The following TMPRSS4 variants were observed in gnomAD, a reference collection of about 807,000 sequenced individuals.
TMPRSS4 encodes the protein transmembrane protease serine 4.
Under a neutral mutation model 56.4 loss-of-function variants are expected in TMPRSS4, and 45 were observed. That is an observed-to-expected ratio of 0.80 (90% CI 0.63 to 1.02). The LOEUF (loss-of-function observed/expected upper bound fraction) is 1.02, where lower values mean the gene tolerates loss of function less well. TMPRSS4 is among the 50% of genes least tolerant of loss of function. The pLI is 0.00. For synonymous variants in TMPRSS4, 205 were observed against 211.0 expected, an observed-to-expected ratio of 0.97 and a Z score of 0.25; for missense variants, 546 against 556.7, an observed-to-expected ratio of 0.98 and a Z score of 0.19.
At chr11:118,098,635 G>C (rs979441721) in intron 2 of TMPRSS4, among the ~76,000 whole-genome samples, 1 of 152,194 alleles carries the variant, frequency 6.6e-6, no homozygotes, top group African/African-American at 2.4e-5. Flanking sequence ...ACAGTGAATG[G>C]GTACGTGCCC....
At chr11:118,117,851 G>C (rs1947643350) in intron 12 of TMPRSS4, 51 bp from the exon 13 acceptor site, 3 of 1,613,930 alleles carry the variant, frequency 1.9e-6, no homozygotes, top group Non-Finnish European at 2.5e-6. Flanking sequence ...TCACCACTTT[G>C]TCCAGTTTCA....
chr11:118,090,911 G>A (rs1290603600), intron 1 of TMPRSS4, among the ~76,000 whole-genome samples: 1 of 151,992 alleles, frequency 6.6e-6, no homozygotes, highest in African/African-American at 2.4e-5. Flanking sequence ...CAGAATATAA[G>A]CCTCCTTTGT....
At chr11:118,115,910 A>G (rs940230859) in intron 11 of TMPRSS4, among the ~76,000 whole-genome samples, 8 of 152,264 alleles carry the variant, frequency 5.3e-5, no homozygotes, top group Non-Finnish European at 7.4e-5. Context: ...CCTTGAGGTC[A>G]GGAATCCCAG....
chr11:118,121,699 C>CA lies in TMPRSS4; in HGVS notation c.*3787dup, dbSNP rs769976039. On this transcript the variant is annotated 3_prime_UTR_variant, in exon 13 of 13. Coordinates refer to ENST00000437212, the MANE Select transcript of TMPRSS4 (RefSeq NM_019894.4). ...TTTTGTGGGTTAATTTTTTTTGAAA[C>CA]AGATATTGAATTTATTGGTTGGCTA... 26 of 151,872 alleles carry CA rather than the reference C, an allele frequency of 1.7e-4. No individual in the cohort carries two copies. Among genetic ancestry groups the CA allele is most frequent in the Non-Finnish European group, 3.1e-4 (21 of 67,994 alleles). The allele number at this position is 151,872 out of a possible 1,614,324, so 9.4% of individuals were successfully genotyped here.
At chr11:118,099,776 A>T (rs1946644268) in intron 3 of TMPRSS4, among the ~76,000 whole-genome samples, 1 of 152,126 alleles carries the variant, frequency 6.6e-6, no homozygotes, top group Non-Finnish European at 1.5e-5. Context: ...GGGGAGAAAG[A>T]GGAGGCAGCA....
At chr11:118,125,390 C>T, downstream of TMPRSS4, 1 of 456,418 alleles carries the variant, frequency 2.2e-6, no homozygotes. Flanking sequence ...CAGCTCGGCA[C>T]ACACATCGCC....
At position 118,114,335 on chromosome 11, in the gene TMPRSS4, T is replaced by C. The variant is rs369054090; in HGVS notation, c.911-494T>C. On this transcript the variant is annotated intron_variant, in intron 9 of 12. Coordinates refer to ENST00000437212, the MANE Select transcript of TMPRSS4 (RefSeq NM_019894.4). The stretch of plus-strand genomic sequence containing the variant: ...TGAAAGAAGAGTTTATTATTTATAA[T>C]TCCTGAGAGAAAGGGACATACCCCA... 2.6e-5 allele frequency among the ~76,000 whole-genome samples: 4 copies of C among 152,276 alleles called. 1 individual carries two copies. Among genetic ancestry groups the C allele is most frequent in the East Asian group, 1.9e-4 (1 of 5,184 alleles).
chr11:118,079,441 G>A (rs1475405955), intron 1 of TMPRSS4, among the ~76,000 whole-genome samples: 1 of 152,126 alleles, frequency 6.6e-6, no homozygotes, highest in African/African-American at 2.4e-5. Context: ...GCTGGAGCAG[G>A]GACTCAGGCC....
chr11:118,109,453 C>T (rs1165300131), intron 7 of TMPRSS4, among the ~76,000 whole-genome samples: 6 of 152,210 alleles, frequency 3.9e-5, no homozygotes. Context: ...AACTGAGTAG[C>T]AGTCACAGTT....
intron 1 of TMPRSS4, among the ~76,000 whole-genome samples, chr11:118,086,497 T>C (rs1945565484): frequency 6.6e-6 from 1 of 152,386 alleles, no homozygotes; most frequent in African/African-American, 2.4e-5. Flanking sequence ...AGGCAGTGTT[T>C]GTGAGGATGC....
chr11:118,124,211 CCT>C (rs1409409131), downstream of TMPRSS4, among the ~76,000 whole-genome samples: 3 of 151,968 alleles, frequency 2.0e-5, no homozygotes, highest in Non-Finnish European at 4.4e-5. Flanking sequence ...ATGTTGAAAC[CCT>C]GTCTCTACTA....
intron 4 of TMPRSS4, among the ~76,000 whole-genome samples, chr11:118,103,860 T>C (rs1946857994): frequency 6.6e-6 from 1 of 152,238 alleles, no homozygotes. Context: ...CTAGACTGGG[T>C]GACCTTGGGG....
chr11:118,104,280 C>T (rs997842956), intron 4 of TMPRSS4, among the ~76,000 whole-genome samples: 4 of 152,110 alleles, frequency 2.6e-5, no homozygotes, highest in African/African-American at 9.7e-5. Flanking sequence ...GACTTAGGTC[C>T]CTCTCTCAGA....
chr11:118,078,768 G>A (rs1944891359), intron 1 of TMPRSS4, among the ~76,000 whole-genome samples: 1 of 152,128 alleles, frequency 6.6e-6, no homozygotes, highest in South Asian at 2.1e-4. Context: ...GAAGGCTGAG[G>A]CCAGCTCCCT....
chr11:118,098,533 A>C (rs888285427), intron 2 of TMPRSS4, among the ~76,000 whole-genome samples: 7 of 152,240 alleles, frequency 4.6e-5, no homozygotes, highest in African/African-American at 1.7e-4. Flanking sequence ...GCCTCTACTA[A>C]GCACACACTG....
downstream of TMPRSS4, chr11:118,125,202 A>G (rs1485187340): frequency 6.7e-6 from 3 of 449,728 alleles, no homozygotes; most frequent in Admixed American, 2.4e-5. Context: ...GTAACAAAAC[A>G]TGGAAATGAT....
At chr11:118,116,714 G>GATTTT (rs1947569705) in intron 11 of TMPRSS4, among the ~76,000 whole-genome samples, 1 of 87,348 alleles carries the variant, frequency 1.1e-5, no homozygotes, top group Non-Finnish European at 2.2e-5. Flanking sequence ...TGATAACCAG[G>GATTTT]CTTTTTTTTT....
chr11:118,085,266 C>T (rs1945459654), intron 1 of TMPRSS4, among the ~76,000 whole-genome samples: 1 of 148,908 alleles, frequency 6.7e-6, no homozygotes, highest in Non-Finnish European at 1.5e-5. Flanking sequence ...CACTGTTGCC[C>T]TGGCTGGAGT....
rs1307929231 is a variant in TMPRSS4, at chr11:118,120,038, G to A, written c.*2125G>A. On this transcript the variant is annotated 3_prime_UTR_variant, in exon 13 of 13. Coordinates refer to ENST00000437212, the MANE Select transcript of TMPRSS4 (RefSeq NM_019894.4). ...CTCCCAATCTCTGGCAACCACCATT[G>A]TGCTTTCAGTCTCTGTGAACTGGAT... 2 of 152,134 alleles carry A rather than the reference G, an allele frequency of 1.3e-5. No homozygotes were observed. Among genetic ancestry groups the A allele is most frequent in the Non-Finnish European group, 2.9e-5 (2 of 68,034 alleles). 9.4% of individuals were successfully genotyped at this position (152,134 alleles called of 1,614,324 possible).
Sources: allele counts gnomAD v4.1 joint callset (sites outside exome capture counted in the v4.1 genomes callset), GRCh38; gene constraint gnomAD v4.1.1; transcripts MANE v1.5; gene names NCBI Gene and HGNC (gene_info 2026-07-23, HGNC 2026-07-21).